Variants in PPEF1 observed in about 807,000 individuals in gnomAD.
PPEF1 encodes the protein serine/threonine-protein phosphatase with EF-hands 1.
In PPEF1, 12 loss-of-function variants were observed where a neutral mutation model predicts 53.3. That is an observed-to-expected ratio of 0.23 (90% CI 0.14 to 0.36). The LOEUF (loss-of-function observed/expected upper bound fraction) is 0.36. Among genes scored for constraint, PPEF1 ranks in the 10% least tolerant of loss-of-function variants. PPEF1 has a pLI of 1.00. For synonymous variants in PPEF1, 165 were observed against 176.7 expected (o/e 0.93, Z 0.52); for missense variants, 334 against 490.4 (o/e 0.68, Z 3.01).
chrX:18,816,210 T>A (rs1476098871), intron 12 of PPEF1, among the ~76,000 whole-genome samples: 1 of 111,990 alleles, frequency 8.9e-6, no homozygotes, highest in Non-Finnish European at 1.9e-5. Flanking sequence ...TTCACTCATC[T>A]TAAAAGTATT....
chrX:18,798,728 A>G (rs2046482902), intron 10 of PPEF1, among the ~76,000 whole-genome samples: 1 of 110,891 alleles, frequency 9.0e-6, no homozygotes, highest in Admixed American at 9.5e-5. Flanking sequence ...GGGTGAGGCA[A>G]TTCTCCTGCA....
chrX:18,738,572 TC>T (rs1160555667), intron 3 of PPEF1, among the ~76,000 whole-genome samples: 2 of 111,920 alleles, frequency 1.8e-5, no homozygotes, highest in African/African-American at 3.2e-5. Flanking sequence ...TTCCTTCATT[TC>T]CAACTTTGGT....
intron 4 of PPEF1, among the ~76,000 whole-genome samples, chrX:18,752,764 G>A (rs1392981316): frequency 9.4e-6 from 1 of 106,625 alleles, no homozygotes; most frequent in Admixed American, 1.0e-4. Flanking sequence ...ATGATTGTGC[G>A]TTTTTTACCC....
intron 7 of PPEF1, among the ~76,000 whole-genome samples, chrX:18,780,605 G>C (rs2283717): frequency 1.8e-5 from 2 of 110,572 alleles, no homozygotes; most frequent in Non-Finnish European, 3.8e-5. Context: ...GTGAATACAC[G>C]CTCGTCAATT....
At chrX:18,729,778 T>C (rs2044793826) in intron 1 of PPEF1, among the ~76,000 whole-genome samples, 1 of 112,500 alleles carries the variant, frequency 8.9e-6, no homozygotes, top group Non-Finnish European at 1.9e-5. Context: ...TGCTACTTCA[T>C]AGGGTATACA....
intron 11 of PPEF1, among the ~76,000 whole-genome samples, chrX:18,804,809 A>G (rs2046625751): frequency 9.0e-6 from 1 of 111,269 alleles, no homozygotes. Flanking sequence ...ACTTCCCTTC[A>G]GCTCCCTGAG....
Position 18,804,504 on chromosome X carries a change from A to G in PPEF1, c.1251+427A>G, listed in dbSNP as rs182717034. On this transcript the variant is annotated intron_variant, in intron 11 of 15. Coordinates refer to ENST00000470157, the MANE Select transcript of PPEF1 (RefSeq NM_001377996.1). ...GTATTTTTAGTAGAGACAGGGTTTC[A>G]CCATGTTAGCCAGACTGGTCTCAAA... Among the ~76,000 whole-genome samples the G allele has an allele frequency of 4.5e-3, 494 of 110,642 alleles. 3 individuals are homozygous for G. Among genetic ancestry groups the G allele is most frequent in the African/African-American group, 0.015 (469 of 30,425 alleles).
At chrX:18,741,772 CTTTTTTTTTTTT>C (rs58971135) in intron 3 of PPEF1, among the ~76,000 whole-genome samples, 1 of 66,339 alleles carries the variant, frequency 1.5e-5, no homozygotes, top group African/African-American at 5.9e-5. Flanking sequence ...GCTGCTGCTT[CTTTTTTTTTTTT>C]TTTTTTTTTT....
At chrX:18,724,581 A>G (rs2044664626) in intron 1 of PPEF1, among the ~76,000 whole-genome samples, 1 of 111,942 alleles carries the variant, frequency 8.9e-6, no homozygotes, top group Admixed American at 9.5e-5. Flanking sequence ...ACAAAAATAG[A>G]AGACCCTTGC....
chrX:18,690,945 T>C (rs774978922), intron 3 of PPEF1: 1 of 112,137 alleles, frequency 8.9e-6, no homozygotes, highest in East Asian at 2.8e-4. Context: ...CAAATGAGAC[T>C]GGGAAACCCT....
In PPEF1 at chrX:18,779,066, A is replaced by C; in HGVS notation, c.615A>C (p.Arg205=). The C allele has an allele frequency of 1.7e-6, 2 of 1,202,090 alleles. No homozygotes were observed. The highest frequency in any genetic ancestry group is 2.3e-6 in the Non-Finnish European group (2 of 887,786). Residue 205 remains arginine, a synonymous_variant, in exon 7 of 16, where the codon CGA becomes CGC. Coordinates refer to ENST00000470157, the MANE Select transcript of PPEF1 (RefSeq NM_001377996.1). ...PYVFNGDFVD[R]GKNSIEILMI... ...TTTTTAATGGTGACTTTGTAGATCGAGGAAAGAATTCCATAGAGATCCTAA... is the reference window on the plus strand; with the variant it reads ...TTTTTAATGGTGACTTTGTAGATCGCGGAAAGAATTCCATAGAGATCCTAA...
chrX:18,738,494 G>A (rs766383509), intron 3 of PPEF1, among the ~76,000 whole-genome samples: 56 of 112,112 alleles, frequency 5.0e-4, no homozygotes, highest in African/African-American at 1.4e-3. Flanking sequence ...CGAGAGATCC[G>A]CTGTTAGTCT....
At chrX:18,789,905 C>T (rs2046294163) in intron 10 of PPEF1, among the ~76,000 whole-genome samples, 1 of 112,379 alleles carries the variant, frequency 8.9e-6, no homozygotes, top group Non-Finnish European at 1.9e-5. Context: ...TGAGCCATCA[C>T]ATACAAGTTT....
chrX:18,742,838 G>A (rs1320634574), intron 3 of PPEF1, among the ~76,000 whole-genome samples: 1 of 96,707 alleles, frequency 1.0e-5, no homozygotes, highest in African/African-American at 3.7e-5. Context: ...GACATAGTGA[G>A]ACTCCATCTC....
At chrX:18,775,520 C>T (rs146187066) in intron 6 of PPEF1, among the ~76,000 whole-genome samples, 1 of 112,026 alleles carries the variant, frequency 8.9e-6, no homozygotes, top group African/African-American at 3.2e-5. Flanking sequence ...CCACTGTGCC[C>T]GGCCAACCCA....
intron 6 of PPEF1, among the ~76,000 whole-genome samples, chrX:18,772,281 G>C (rs1164760958): frequency 9.0e-6 from 1 of 111,256 alleles, no homozygotes; most frequent in African/African-American, 3.3e-5. Flanking sequence ...TGGTCTTGCT[G>C]TCTAGGGGTG....
intron 9 of PPEF1, among the ~76,000 whole-genome samples, chrX:18,785,283 T>A (rs759643305): frequency 8.9e-6 from 1 of 111,896 alleles, no homozygotes; most frequent in African/African-American, 3.2e-5. Flanking sequence ...CGAATTTAAG[T>A]AAGAAATTGT....
intron 12 of PPEF1, among the ~76,000 whole-genome samples, chrX:18,814,388 T>C (rs750977152): frequency 8.9e-6 from 1 of 112,028 alleles, no homozygotes; most frequent in Non-Finnish European, 1.9e-5. Context: ...AAATGGGAGT[T>C]CCATTTTTAG....
intron 1 of PPEF1, among the ~76,000 whole-genome samples, chrX:18,726,951 C>T (rs1282626943): frequency 8.9e-6 from 1 of 112,343 alleles, no homozygotes; most frequent in African/African-American, 3.2e-5. Context: ...CGTGAGCCAT[C>T]GCACTTGGCC....
Sources: gnomAD v4.1 joint callset for allele counts (sites outside exome capture counted in the v4.1 genomes callset) on GRCh38, gnomAD v4.1.1 for gene constraint, MANE v1.5 for transcripts, NCBI Gene and HGNC (gene_info 2026-07-23, HGNC 2026-07-21) for gene names.